Variants in SLC26A7 observed in about 807,000 individuals in gnomAD.
The protein encoded by SLC26A7 is solute carrier family 26 member 7.
In SLC26A7, 59 loss-of-function variants were observed where a neutral mutation model predicts 82.5. That is an observed-to-expected ratio of 0.72 (90% CI 0.58 to 0.89). The LOEUF (loss-of-function observed/expected upper bound fraction) is 0.89, where lower values mean the gene tolerates loss of function less well. Among genes scored for constraint, SLC26A7 ranks in the 40% least tolerant of loss-of-function variants. SLC26A7 has a pLI of 0.00. For missense variants in SLC26A7, 820 were observed against 793.0 expected, an observed-to-expected ratio of 1.03 and a Z score of -0.41; for synonymous variants, 271 against 274.3, an observed-to-expected ratio of 0.99 and a Z score of 0.12.
chr8:91,261,980 G>C (rs542956606), intron 2 of SLC26A7, among the ~76,000 whole-genome samples: 1 of 152,018 alleles, frequency 6.6e-6, no homozygotes, highest in Non-Finnish European at 1.5e-5. Context: ...AGAGTAAAAC[G>C]TACCATTGGA....
At chr8:91,309,327 T>G (rs1812411068) in intron 4 of SLC26A7, among the ~76,000 whole-genome samples, 1 of 151,518 alleles carries the variant, frequency 6.6e-6, no homozygotes, top group African/African-American at 2.4e-5. Flanking sequence ...ATGCCTATAT[T>G]AAGTTAAACA....
chr8:91,358,314 TG>T (rs1253953268), intron 11 of SLC26A7, among the ~76,000 whole-genome samples: 11 of 151,262 alleles, frequency 7.3e-5, no homozygotes, highest in Non-Finnish European at 1.6e-4. Context: ...GGCACACATA[TG>T]TTTTTTTCTT....
rs1457380668 is a variant in SLC26A7 at position 91,295,690 on chromosome 8, G to C, written c.464G>C (p.Gly155Ala). The part of the protein sequence containing the change: ...IHVAAAVSFL[G>A]GVIQVAMFVL... ...GTTGCTGCAGCAGTTTCCTTCTTGG[G>C]AGGTGTGATTCAGGTAAGTGATACT... The change falls in exon 4 of 19, where the codon GGA (glycine) becomes GCA (alanine). Residue 155 changes from glycine to alanine, a missense_variant. Gly to Ala is a moderately conservative substitution (Grantham distance 60, BLOSUM62 0). Coordinates refer to ENST00000276609, the MANE Select transcript of SLC26A7 (RefSeq NM_052832.4). 6.2e-7 allele frequency: 1 copy of C among 1,613,766 alleles called. No individual in the cohort carries two copies. The highest frequency in any genetic ancestry group is 8.5e-7 in the Non-Finnish European group (1 of 1,179,886).
chr8:91,386,629 G>A (rs1256389003), intron 15 of SLC26A7, among the ~76,000 whole-genome samples: 6 of 152,088 alleles, frequency 3.9e-5, no homozygotes, highest in African/African-American at 9.7e-5. Context: ...GAGTACCCAC[G>A]TTTAAGCAGT....
intron 11 of SLC26A7, among the ~76,000 whole-genome samples, chr8:91,359,349 A>G (rs924709003): frequency 2.0e-5 from 3 of 152,214 alleles, no homozygotes; most frequent in African/African-American, 4.8e-5. Flanking sequence ...TAGTGTATTG[A>G]AGGATATTAG....
intron 5 of SLC26A7, among the ~76,000 whole-genome samples, chr8:91,319,245 A>G (rs1033763873): frequency 1.3e-5 from 2 of 152,304 alleles, no homozygotes; most frequent in South Asian, 2.1e-4. Flanking sequence ...CCAAACAAAC[A>G]TTGATTGTTT....
At chr8:91,219,561 G>A (rs1318628640) in intron 2 of SLC26A7, among the ~76,000 whole-genome samples, 2 of 151,900 alleles carry the variant, frequency 1.3e-5, no homozygotes, top group Admixed American at 6.6e-5. Context: ...ACAAACTGCC[G>A]AGGCAGTAGT....
At chr8:91,268,261 A>G (rs1166845274) in intron 2 of SLC26A7, among the ~76,000 whole-genome samples, 1 of 151,742 alleles carries the variant, frequency 6.6e-6, no homozygotes, top group Non-Finnish European at 1.5e-5. Flanking sequence ...CTGTATTGCA[A>G]CTGATCTCTC....
rs191462967 is a variant in SLC26A7, at chr8:91,312,752, T to C, written c.478-5464T>C. Among the ~76,000 whole-genome samples the C allele has an allele frequency of 9.3e-4, 142 of 152,210 alleles. 2 individuals are homozygous for C. Among genetic ancestry groups the C allele is most frequent in the Non-Finnish European group, 3.7e-4 (25 of 68,002 alleles). ...TTTGCATTTTCTTAATGATAAGTGA[T>C]GTTGAACATGTTTTCATGTGCTTAT... On this transcript the variant is annotated intron_variant, in intron 4 of 18. Transcript: ENST00000276609.
chr8:91,259,365 C>G (rs1222588929), intron 2 of SLC26A7, among the ~76,000 whole-genome samples: 3 of 152,074 alleles, frequency 2.0e-5, no homozygotes, highest in Non-Finnish European at 4.4e-5. Context: ...TTTTATTCTG[C>G]TCAGCTCTAG....
intron 2 of SLC26A7, among the ~76,000 whole-genome samples, chr8:91,252,234 A>T (rs1353913359): frequency 6.6e-6 from 1 of 152,076 alleles, no homozygotes; most frequent in Non-Finnish European, 1.5e-5. Flanking sequence ...CAAAGATAGA[A>T]TGTTTATGTT....
intron 2 of SLC26A7, among the ~76,000 whole-genome samples, chr8:91,252,175 A>G (rs1810676759): frequency 6.6e-6 from 1 of 152,052 alleles, no homozygotes; most frequent in African/African-American, 2.4e-5. Flanking sequence ...TCAGTTACTC[A>G]GCATAGTTGA....
chr8:91,344,622 A>T (rs773738759), intron 9 of SLC26A7, among the ~76,000 whole-genome samples: 3 of 152,238 alleles, frequency 2.0e-5, no homozygotes, highest in Non-Finnish European at 4.4e-5. Flanking sequence ...AATGTATCAT[A>T]GAGTACATGA....
At chr8:91,388,229 C>T (rs984754282) in intron 15 of SLC26A7, among the ~76,000 whole-genome samples, 4 of 147,664 alleles carry the variant, frequency 2.7e-5, no homozygotes, top group Admixed American at 1.3e-4. Flanking sequence ...CTCCCGGGTT[C>T]ACGCCGTTCT....
chr8:91,342,519 G>A lies in SLC26A7; in HGVS notation c.1027-834G>A, dbSNP rs188243030. On this transcript the variant is annotated intron_variant, in intron 8 of 18. Coordinates refer to ENST00000276609, the MANE Select transcript of SLC26A7 (RefSeq NM_052832.4). ...ATGAGATGGAAGTATATGGATTCTG[G>A]ATTGGATATGGGTGCCATTCGGGAA... is the stretch of plus-strand genomic sequence containing the variant. 2.6e-5 allele frequency among the ~76,000 whole-genome samples: 4 copies of A among 152,270 alleles called. No individual in the cohort carries two copies. In the East Asian group the frequency reaches 7.7e-4, roughly 29 times the overall value.
chr8:91,221,320 G>C (rs543080988), intron 2 of SLC26A7, among the ~76,000 whole-genome samples: 1 of 152,258 alleles, frequency 6.6e-6, no homozygotes, highest in South Asian at 2.1e-4. Context: ...TCTGTTGGTT[G>C]CCTGTTCACT....
chr8:91,267,211 T>TTTG (rs970031988), intron 2 of SLC26A7, among the ~76,000 whole-genome samples: 5 of 151,704 alleles, frequency 3.3e-5, no homozygotes, highest in South Asian at 2.1e-4. Context: ...CCCACCTCTT[T>TTTG]TTGTTGTTGT....
At chr8:91,359,475 G>C (rs1283853532) in intron 11 of SLC26A7, among the ~76,000 whole-genome samples, 6 of 152,172 alleles carry the variant, frequency 3.9e-5, no homozygotes, top group Non-Finnish European at 7.3e-5. Context: ...TTGCTTAAGA[G>C]CTTAGAATTT....
chr8:91,246,745 A>C (rs919255888), upstream of SLC26A7, among the ~76,000 whole-genome samples: 3 of 151,708 alleles, frequency 2.0e-5, no homozygotes, highest in Admixed American at 2.0e-4. Flanking sequence ...CCAGGACATC[A>C]TGAGTATAAT....
Sources: gnomAD v4.1 joint callset for allele counts (sites outside exome capture counted in the v4.1 genomes callset) on GRCh38, gnomAD v4.1.1 for gene constraint, MANE v1.5 for transcripts, NCBI Gene and HGNC (gene_info 2026-07-23, HGNC 2026-07-21) for gene names.